FRMD4A: variants seen among roughly 807,000 people sequenced by gnomAD.
FRMD4A encodes FERM domain-containing protein 4A.
In FRMD4A, 29 loss-of-function variants were observed where a neutral mutation model predicts 129.1. That is an observed-to-expected ratio of 0.22 (90% CI 0.17 to 0.31). The LOEUF is 0.31. Among genes scored for constraint, FRMD4A ranks in the 10% least tolerant of loss-of-function variants. The probability of loss-of-function intolerance (pLI) is 1.00; values close to 1 mark genes in which losing one functional copy is unlikely to be tolerated. For synonymous variants in FRMD4A, 634 were observed against 571.6 expected (o/e 1.11, Z -1.56); for missense variants, 1,272 against 1,375.8 (o/e 0.92, Z 1.19).
intron 2 of FRMD4A, among the ~76,000 whole-genome samples, chr10:14,122,204 T>C (rs2131812462): frequency 6.6e-6 from 1 of 152,240 alleles, no homozygotes; most frequent in Middle Eastern, 3.4e-3. Flanking sequence ...AACGAGAAAA[T>C]GCATATAAAG....
At chr10:13,771,867 C>A (rs2092462964) in intron 6 of FRMD4A, among the ~76,000 whole-genome samples, 1 of 151,882 alleles carries the variant, frequency 6.6e-6, no homozygotes, top group Admixed American at 6.6e-5. Flanking sequence ...ATCACTGGAG[C>A]CCTGGAGTTC....
intron 2 of FRMD4A, among the ~76,000 whole-genome samples, chr10:14,223,196 C>T (rs578077967): frequency 7.9e-5 from 12 of 152,336 alleles, no homozygotes; most frequent in East Asian, 1.9e-4. Context: ...TCCACATCTC[C>T]GGATGGAGCA....
intron 12 of FRMD4A, among the ~76,000 whole-genome samples, chr10:13,724,751 A>G (rs1354345404): frequency 1.3e-5 from 2 of 152,168 alleles, no homozygotes; most frequent in Admixed American, 6.6e-5. Flanking sequence ...TTTGACCCCT[A>G]CTGTCCACAC....
At chr10:13,972,588 A>G (rs991265072) in intron 2 of FRMD4A, among the ~76,000 whole-genome samples, 1 of 151,822 alleles carries the variant, frequency 6.6e-6, no homozygotes, top group African/African-American at 2.4e-5. Context: ...CCGTCTTGCT[A>G]TTTTAATGCA....
chr10:13,790,009 G>T (rs188803869), intron 5 of FRMD4A, among the ~76,000 whole-genome samples: 95 of 152,260 alleles, frequency 6.2e-4, no homozygotes, highest in African/African-American at 2.2e-3. Context: ...ACGCAGAGAT[G>T]AACAAGGAGA....
intron 2 of FRMD4A, among the ~76,000 whole-genome samples, chr10:14,305,274 G>A (rs1329875847): frequency 6.6e-6 from 1 of 152,084 alleles, no homozygotes; most frequent in Non-Finnish European, 1.5e-5. Flanking sequence ...CAAAATACAC[G>A]TGTGCCTAAG....
intron 2 of FRMD4A, among the ~76,000 whole-genome samples, chr10:14,076,858 ATGAGATG>A (rs1835640450): frequency 6.6e-6 from 1 of 152,202 alleles, no homozygotes; most frequent in African/African-American, 2.4e-5. Flanking sequence ...ACAAAGCTAC[ATGAGATG>A]TGGTCCTTGT....
chr10:14,312,485 A>G (rs974621662), intron 2 of FRMD4A, among the ~76,000 whole-genome samples: 18 of 152,250 alleles, frequency 1.2e-4, no homozygotes, highest in African/African-American at 4.3e-4. Context: ...ATCCAGCATC[A>G]TCTATTTAGG....
At chr10:13,757,997 G>A (rs957905925) in intron 8 of FRMD4A, among the ~76,000 whole-genome samples, 68 of 152,194 alleles carry the variant, frequency 4.5e-4, no homozygotes, top group African/African-American at 1.6e-3. Context: ...ACCTGCCTTG[G>A]CCTCCCAAAG....
At chr10:13,969,815 G>A (rs1261457256) in intron 2 of FRMD4A, among the ~76,000 whole-genome samples, 1 of 152,174 alleles carries the variant, frequency 6.6e-6, no homozygotes, top group Non-Finnish European at 1.5e-5. Context: ...CCACTGCACT[G>A]CAGCCTGGGT....
intron 2 of FRMD4A, among the ~76,000 whole-genome samples, chr10:14,329,290 C>A (rs924548639): frequency 2.0e-5 from 3 of 152,184 alleles, no homozygotes; most frequent in African/African-American, 7.2e-5. Context: ...GTGTGGGAAC[C>A]CTGGGAAAGG....
At chr10:14,078,697 C>G (rs768663069) in intron 2 of FRMD4A, among the ~76,000 whole-genome samples, 1 of 152,152 alleles carries the variant, frequency 6.6e-6, no homozygotes, top group Non-Finnish European at 1.5e-5. Flanking sequence ...ATGAAAAAAA[C>G]GAAGCTTGAA....
At chr10:13,839,052 A>G (rs2093922657) in intron 3 of FRMD4A, among the ~76,000 whole-genome samples, 1 of 139,616 alleles carries the variant, frequency 7.2e-6, no homozygotes, top group South Asian at 2.2e-4. Flanking sequence ...GCTGGAGTAC[A>G]GTGGTGGATC....
At chr10:13,779,400 T>C (rs952325140) in intron 6 of FRMD4A, among the ~76,000 whole-genome samples, 5 of 152,186 alleles carry the variant, frequency 3.3e-5, no homozygotes, top group Non-Finnish European at 7.4e-5. Flanking sequence ...ATCACAGGAA[T>C]GGCTAAACCC....
chr10:14,015,364 C>A (rs1443376490), intron 2 of FRMD4A, among the ~76,000 whole-genome samples: 2 of 146,638 alleles, frequency 1.4e-5, no homozygotes, highest in Admixed American at 1.4e-4. Flanking sequence ...CCCTTTTCTC[C>A]TTCCTTCCTT....
chr10:13,776,663 G>A (rs2092602792), intron 6 of FRMD4A, among the ~76,000 whole-genome samples: 1 of 152,244 alleles, frequency 6.6e-6, no homozygotes, highest in Non-Finnish European at 1.5e-5. Flanking sequence ...GAATGAAATT[G>A]AACTTTGAAA....
At chr10:13,759,003 C>T (rs1485327700) in intron 8 of FRMD4A, among the ~76,000 whole-genome samples, 1 of 152,088 alleles carries the variant, frequency 6.6e-6, no homozygotes, top group African/African-American at 2.4e-5. Context: ...TCTATTACTC[C>T]ACAATTTTAG....
At chr10:13,694,710 T>G (rs1482896213) in intron 14 of FRMD4A, among the ~76,000 whole-genome samples, 1 of 152,110 alleles carries the variant, frequency 6.6e-6, no homozygotes, top group Non-Finnish European at 1.5e-5. Flanking sequence ...GGTGTGGTAG[T>G]GCATGCCTGT....
intron 2 of FRMD4A, among the ~76,000 whole-genome samples, chr10:13,965,417 A>C (rs2095479546): frequency 6.6e-6 from 1 of 152,232 alleles, no homozygotes; most frequent in African/African-American, 2.4e-5. Context: ...ATAAGTAGAG[A>C]GTTCCATTCT....
Sources: gnomAD v4.1 joint callset for allele counts (sites outside exome capture counted in the v4.1 genomes callset) on GRCh38, gnomAD v4.1.1 for gene constraint, MANE v1.5 for transcripts, NCBI Gene and HGNC (gene_info 2026-07-23, HGNC 2026-07-21) for gene names.